Variants in RBPJ observed in about 807,000 individuals in gnomAD.
RBPJ encodes recombining binding protein suppressor of hairless.
A neutral mutation model predicts 67.8 loss-of-function variants in RBPJ; 9 were observed. That is an observed-to-expected ratio of 0.13 (90% CI 0.08 to 0.23). The LOEUF is 0.23. Ranked by LOEUF, RBPJ falls within the 10% of genes least tolerant of loss-of-function variation. The probability of loss-of-function intolerance (pLI) is 1.00; values close to 1 mark genes in which losing one functional copy is unlikely to be tolerated. For missense variants in RBPJ, 305 were observed against 595.6 expected (o/e 0.51, Z 5.08); for synonymous variants, 198 against 203.3 (o/e 0.97, Z 0.22).
At chr4:26,196,337 C>T (rs1037955844) in intron 1 of RBPJ, among the ~76,000 whole-genome samples, 10 of 152,104 alleles carry the variant, frequency 6.6e-5, no homozygotes, top group Non-Finnish European at 1.3e-4. Flanking sequence ...TTGTCAAAGG[C>T]TCGATATCGT....
intron 1 of RBPJ, among the ~76,000 whole-genome samples, chr4:26,223,154 CAAAA>C (rs549173084): frequency 3.0e-5 from 3 of 99,686 alleles, no homozygotes; most frequent in Non-Finnish European, 4.4e-5. Flanking sequence ...GACACTGTCT[CAAAA>C]AAAAAAAAAA....
intron 1 of RBPJ, among the ~76,000 whole-genome samples, chr4:26,198,181 G>C (rs527479402): frequency 6.6e-6 from 1 of 152,216 alleles, no homozygotes; most frequent in South Asian, 2.1e-4. Context: ...TTGAACCTGG[G>C]AGGCGGAGGT....
At chr4:26,385,094 C>T (rs925548890) in intron 1 of RBPJ, among the ~76,000 whole-genome samples, 6 of 147,628 alleles carry the variant, frequency 4.1e-5, no homozygotes, top group Admixed American at 6.9e-5. Context: ...GATCTTGGCT[C>T]ACTGCAACCA....
chr4:26,394,554 C>G (rs746335694), intron 2 of RBPJ, among the ~76,000 whole-genome samples: 31 of 151,612 alleles, frequency 2.0e-4, no homozygotes, highest in South Asian at 6.2e-4. Context: ...GCTTTTAGAG[C>G]CTCAAATCAT....
chr4:26,227,841 CCTT>C (rs1200249149), intron 1 of RBPJ, among the ~76,000 whole-genome samples: 4 of 152,222 alleles, frequency 2.6e-5, no homozygotes. Context: ...CCAGCCTAGT[CCTT>C]CTCCGGTTGA....
intron 1 of RBPJ, among the ~76,000 whole-genome samples, chr4:26,176,853 C>T (rs971312269): frequency 6.6e-6 from 1 of 152,238 alleles, no homozygotes; most frequent in Non-Finnish European, 1.5e-5. Flanking sequence ...AGTTGCCTTG[C>T]TTGAACCAGG....
chr4:26,201,880 G>T (rs1003901324), intron 1 of RBPJ, among the ~76,000 whole-genome samples: 1 of 152,154 alleles, frequency 6.6e-6, no homozygotes, highest in Non-Finnish European at 1.5e-5. Flanking sequence ...TGCAGGGAGG[G>T]CCCTGGCCCT....
rs540019574 is a variant in RBPJ at position 26,278,817 on chromosome 4, G to C, written c.-166-83629G>C. Among the ~76,000 whole-genome samples, 115 of 152,298 alleles carry C rather than the reference G, an allele frequency of 7.6e-4. 2 individuals carry two copies. In the South Asian group the frequency reaches 0.023, roughly 31 times the overall value. On this transcript the variant is annotated intron_variant, in intron 1 of 4. Transcript: ENST00000512351. Reference sequence around the variant, plus strand: ...TTTCTAGCAGATTTGAAGTAACAATGATTAGTCCGTTTTAAAAATAGCTTT... The same window carrying C: ...TTTCTAGCAGATTTGAAGTAACAATCATTAGTCCGTTTTAAAAATAGCTTT...
intron 1 of RBPJ, among the ~76,000 whole-genome samples, chr4:26,354,447 TTC>T (rs1428363025): frequency 5.9e-5 from 8 of 134,460 alleles, no homozygotes; most frequent in East Asian, 4.6e-4. Flanking sequence ...GCAAAAAGAT[TTC>T]TGTTTTTTTT....
chr4:26,109,103 CTTTTTTT>C, the RBPJ span, among the ~76,000 whole-genome samples: 320 of 130,020 alleles, frequency 2.5e-3, 3 homozygotes, highest in African/African-American at 7.2e-3. Flanking sequence ...TTGCCTTCCT[CTTTTTTT>C]TTTTTTTTTT....
intron 7 of RBPJ, 40 bp from the exon 8 acceptor site, chr4:26,428,680 A>G (rs1286728302): frequency 6.6e-7 from 1 of 1,522,952 alleles, no homozygotes; most frequent in Non-Finnish European, 9.1e-7. Flanking sequence ...AATCCTTTCC[A>G]TGTGTGGATG....
At chr4:26,301,543 A>G (rs1197989936) in intron 1 of RBPJ, among the ~76,000 whole-genome samples, 2 of 151,330 alleles carry the variant, frequency 1.3e-5, no homozygotes, top group Non-Finnish European at 3.0e-5. Context: ...AGTGAGCCAA[A>G]ATGGCGCCAC....
intron 1 of RBPJ, among the ~76,000 whole-genome samples, chr4:26,323,805 C>T (rs1464551568): frequency 6.6e-6 from 1 of 152,064 alleles, no homozygotes; most frequent in African/African-American, 2.4e-5. Context: ...CTTTGGCACC[C>T]TTGATGGGTA....
chr4:26,148,324 G>A, the RBPJ span, among the ~76,000 whole-genome samples: 1 of 152,212 alleles, frequency 6.6e-6, no homozygotes, highest in Non-Finnish European at 1.5e-5. Context: ...TGTCAGGCAG[G>A]CAGGTGGCTA....
chr4:26,372,844 C>T (rs1362541581), intron 1 of RBPJ, among the ~76,000 whole-genome samples: 2 of 152,194 alleles, frequency 1.3e-5, no homozygotes, highest in Non-Finnish European at 2.9e-5. Flanking sequence ...AAGCCTTGTG[C>T]TCCTGTGCTG....
intron 1 of RBPJ, among the ~76,000 whole-genome samples, chr4:26,384,912 C>T (rs1160667619): frequency 3.5e-5 from 1 of 28,596 alleles, no homozygotes; most frequent in African/African-American, 1.7e-4. Context: ...TCTTGCCTCT[C>T]CCCTCTCCCC....
the RBPJ span, among the ~76,000 whole-genome samples, chr4:26,151,085 C>T: frequency 1.3e-5 from 2 of 152,134 alleles, no homozygotes; most frequent in Non-Finnish European, 2.9e-5. Flanking sequence ...TTGAGCAACA[C>T]CAACTGAGTG....
chr4:26,149,490 T>C, the RBPJ span, among the ~76,000 whole-genome samples: 1 of 152,236 alleles, frequency 6.6e-6, no homozygotes, highest in Non-Finnish European at 1.5e-5. Context: ...CCAAAATTCA[T>C]GTGTTGCAAA....
At chr4:26,235,174 T>C (rs1719416894) in intron 1 of RBPJ, among the ~76,000 whole-genome samples, 1 of 152,220 alleles carries the variant, frequency 6.6e-6, no homozygotes, top group African/African-American at 2.4e-5. Flanking sequence ...GTCAGACTAC[T>C]TATTAGTGCT....
Sources: allele counts gnomAD v4.1 joint callset (sites outside exome capture counted in the v4.1 genomes callset), GRCh38; gene constraint gnomAD v4.1.1; transcripts MANE v1.5; gene names NCBI Gene and HGNC (gene_info 2026-07-23, HGNC 2026-07-21).